MAP2K4: variants seen among roughly 807,000 people sequenced by gnomAD.
The protein encoded by MAP2K4 is mitogen-activated protein kinase kinase 4.
In MAP2K4, 4 loss-of-function variants were observed where a neutral mutation model predicts 48.5. That is an observed-to-expected ratio of 0.08 (90% CI 0.04 to 0.19). MAP2K4 has a LOEUF of 0.19. MAP2K4 is among the 10% of genes least tolerant of loss of function. The pLI is 1.00. For synonymous variants in MAP2K4, 166 were observed against 173.1 expected (o/e 0.96, Z 0.32); for missense variants, 258 against 493.3 (o/e 0.52, Z 4.52).
intron 1 of MAP2K4, among the ~76,000 whole-genome samples, chr17:12,042,167 C>CAA (rs71142262): frequency 0.38 from 20,911 of 55,278 alleles, 4,741 homozygotes; most frequent in South Asian, 0.56. Context: ...AACTTTGTCT[C>CAA]AAAAAAAAAA....
intron 9 of MAP2K4, among the ~76,000 whole-genome samples, chr17:12,132,675 C>T (rs766366760): frequency 6.6e-6 from 1 of 151,376 alleles, no homozygotes; most frequent in Admixed American, 6.6e-5. Flanking sequence ...GGTGTCTGAG[C>T]GCTCAGCATT....
At chr17:12,065,790 G>A (rs1970598380) in intron 2 of MAP2K4, among the ~76,000 whole-genome samples, 1 of 152,120 alleles carries the variant, frequency 6.6e-6, no homozygotes, top group African/African-American at 2.4e-5. Flanking sequence ...CAGTATTTGT[G>A]GTTTTCTGTC....
At chr17:12,045,159 A>C (rs1969922742) in intron 1 of MAP2K4, among the ~76,000 whole-genome samples, 1 of 152,126 alleles carries the variant, frequency 6.6e-6, no homozygotes, top group Admixed American at 6.5e-5. Context: ...GAACAGACTT[A>C]TATTTCTTTC....
intron 2 of MAP2K4, among the ~76,000 whole-genome samples, chr17:12,062,280 CTTTCTTAGTAGTTT>C (rs1970474970): frequency 6.6e-6 from 1 of 152,058 alleles, no homozygotes; most frequent in Non-Finnish European, 1.5e-5. Context: ...GATAAGAATT[CTTTCTTAGTAGTTT>C]TTAATTATTT....
intron 2 of MAP2K4, among the ~76,000 whole-genome samples, chr17:12,076,290 TG>T (rs1971003646): frequency 1.4e-5 from 2 of 145,754 alleles, no homozygotes; most frequent in African/African-American, 5.0e-5. Context: ...TGTGTGTGTG[TG>T]TGTGTGTGTG....
chr17:12,107,707 C>A, intron 4 of MAP2K4, 83 bp from the exon 5 acceptor site: 1 of 1,179,276 alleles, frequency 8.5e-7, no homozygotes, highest in East Asian at 2.6e-5. Flanking sequence ...TAAGATTGCT[C>A]CTTTCTATTG....
chr17:12,079,870 A>G (rs1374293298), intron 2 of MAP2K4, among the ~76,000 whole-genome samples: 2 of 152,222 alleles, frequency 1.3e-5, no homozygotes, highest in African/African-American at 2.4e-5. Flanking sequence ...GATCAGTTCC[A>G]GCTTCATCTT....
At chr17:12,027,844 C>A (rs369551440) in intron 1 of MAP2K4, among the ~76,000 whole-genome samples, 1 of 151,986 alleles carries the variant, frequency 6.6e-6, no homozygotes, top group African/African-American at 2.4e-5. Context: ...TTTTAATTCT[C>A]TCAAGGTGAC....
At chr17:12,088,529 AAT>A (rs1388938238) in intron 3 of MAP2K4, among the ~76,000 whole-genome samples, 4 of 90,562 alleles carry the variant, frequency 4.4e-5, no homozygotes, top group Non-Finnish European at 7.4e-5. Flanking sequence ...TGTAATATAT[AAT>A]ATATATTAAA....
chr17:12,069,925 A>ATATATATG (rs1970741031), intron 2 of MAP2K4: 2 of 98,596 alleles, frequency 2.0e-5, no homozygotes, highest in African/African-American at 4.9e-5. Context: ...ATATATATAT[A>ATATATATG]TATATATATA....
At chr17:12,118,637 A>G (rs1353385030) in intron 7 of MAP2K4, among the ~76,000 whole-genome samples, 2 of 152,210 alleles carry the variant, frequency 1.3e-5, no homozygotes, top group Admixed American at 6.5e-5. Flanking sequence ...CCCAAATGCG[A>G]CTTCATTAAT....
chr17:12,087,947 A>G (rs1971421889), intron 3 of MAP2K4, among the ~76,000 whole-genome samples: 1 of 152,104 alleles, frequency 6.6e-6, no homozygotes, highest in Admixed American at 6.6e-5. Context: ...TCTATTTAGA[A>G]GACTCTAGCT....
chr17:12,047,805 A>G (rs1489400258), intron 1 of MAP2K4, among the ~76,000 whole-genome samples: 1 of 152,196 alleles, frequency 6.6e-6, no homozygotes, highest in Non-Finnish European at 1.5e-5. Flanking sequence ...TGCCACTATT[A>G]TAGCATATTT....
intron 3 of MAP2K4, among the ~76,000 whole-genome samples, chr17:12,089,385 A>G (rs1341508303): frequency 6.6e-6 from 1 of 152,194 alleles, no homozygotes; most frequent in Non-Finnish European, 1.5e-5. Context: ...TAAATTGGAA[A>G]TGATGCTTTG....
chr17:12,024,800 G>A (rs559753506), intron 1 of MAP2K4, among the ~76,000 whole-genome samples: 1 of 152,236 alleles, frequency 6.6e-6, no homozygotes, highest in Admixed American at 6.5e-5. Context: ...CTAAAGTACG[G>A]AATTGACTTG....
At chr17:12,106,259 T>C (rs1055461388) in intron 4 of MAP2K4, among the ~76,000 whole-genome samples, 9 of 152,168 alleles carry the variant, frequency 5.9e-5, no homozygotes, top group African/African-American at 1.7e-4. Context: ...GCTGTGTCTG[T>C]TTTGGGTGGA....
At chr17:12,118,438 A>G (rs1295845531) in intron 7 of MAP2K4, among the ~76,000 whole-genome samples, 2 of 152,122 alleles carry the variant, frequency 1.3e-5, no homozygotes, top group African/African-American at 4.8e-5. Flanking sequence ...ATACTAATCA[A>G]AAGGCCTGGA....
intron 3 of MAP2K4, among the ~76,000 whole-genome samples, chr17:12,082,951 A>G (rs1971240425): frequency 6.6e-6 from 1 of 152,078 alleles, no homozygotes; most frequent in Non-Finnish European, 1.5e-5. Context: ...TTTTATTTAG[A>G]CTCCTGGATG....
chr17:12,048,845 C>T (rs766496641), intron 1 of MAP2K4, among the ~76,000 whole-genome samples: 32 of 151,780 alleles, frequency 2.1e-4, no homozygotes, highest in Non-Finnish European at 4.6e-4. Flanking sequence ...TTAGTAGAGA[C>T]GGGGTTTTAC....
Sources: allele counts gnomAD v4.1 joint callset (sites outside exome capture counted in the v4.1 genomes callset), GRCh38; gene constraint gnomAD v4.1.1; transcripts MANE v1.5; gene names NCBI Gene and HGNC (gene_info 2026-07-23, HGNC 2026-07-21).